RSU1: variants seen among roughly 807,000 people sequenced by gnomAD.
The protein encoded by RSU1 is Ras suppressor protein 1, also known as rsu-1.
RSU1 carries 26 observed loss-of-function variants against 31.1 expected under a neutral mutation model. The observed-to-expected ratio is 0.84, with a 90% confidence interval of 0.61 to 1.16. RSU1 has a LOEUF of 1.16. RSU1 is among the 50% of genes most tolerant of loss of function. RSU1 has a pLI of 0.00. For synonymous variants in RSU1, 164 were observed against 136.3 expected, an observed-to-expected ratio of 1.20 and a Z score of -1.41; for missense variants, 320 against 339.1, an observed-to-expected ratio of 0.94 and a Z score of 0.44.
At chr10:16,648,061 A>G (rs1588693572) in intron 8 of RSU1, among the ~76,000 whole-genome samples, 1 of 150,354 alleles carries the variant, frequency 6.7e-6, no homozygotes, top group African/African-American at 2.5e-5. Context: ...CAATCCTCCT[A>G]CCTCAGCCTC....
At chr10:16,661,850 T>C (rs889026304) in intron 8 of RSU1, among the ~76,000 whole-genome samples, 1 of 152,234 alleles carries the variant, frequency 6.6e-6, no homozygotes, top group Non-Finnish European at 1.5e-5. Flanking sequence ...CACATTTCTT[T>C]GGTTTCAAAT....
At chr10:16,733,808 C>G (rs1442794260) in intron 7 of RSU1, among the ~76,000 whole-genome samples, 3 of 152,120 alleles carry the variant, frequency 2.0e-5, no homozygotes, top group African/African-American at 7.2e-5. Context: ...TGGTCACTGT[C>G]CTAGGAACAC....
chr10:16,800,962 C>CAAAAA lies in RSU1; in HGVS notation c.109+16006_109+16010dup, dbSNP rs772645083. On this transcript the variant is annotated intron_variant, in intron 2 of 8. Transcript: ENST00000345264. The stretch of plus-strand genomic sequence containing the variant: ...CGGAAAGCAGAAAAAGAGCAGAAGA[C>CAAAAA]AAAAAAAAAAAGAACAAGGGCAAGA... 9.9e-5 allele frequency among the ~76,000 whole-genome samples: 14 copies of CAAAAA among 140,924 alleles called. No individual in the cohort carries two copies. In the South Asian group the frequency reaches 2.5e-3, roughly 25 times the overall value. The allele number at this position is 140,924 out of a possible 152,430, so 92.5% of individuals were successfully genotyped here.
intron 8 of RSU1, among the ~76,000 whole-genome samples, chr10:16,626,413 C>T (rs1308941002): frequency 6.6e-6 from 1 of 152,034 alleles, no homozygotes; most frequent in Non-Finnish European, 1.5e-5. Context: ...TGGTCTTGAA[C>T]TCTTGGCCTC....
rs565331988 is a variant in RSU1, at chr10:16,816,840, C to A, written c.109+133G>T. ...ACTGCAAACCCTCTGCGCGAAGCCCCTGACAAGTGAGGTTTACAAGCAGGG... is the reference window on the plus strand; with the variant it reads ...ACTGCAAACCCTCTGCGCGAAGCCCATGACAAGTGAGGTTTACAAGCAGGG... On this transcript the variant is annotated intron_variant, in intron 2 of 8. Transcript: ENST00000345264. 9.8e-4 allele frequency: 647 copies of A among 656,890 alleles called. 2 individuals carry two copies. Among genetic ancestry groups the A allele is most frequent in the Non-Finnish European group, 2.2e-4 (82 of 365,846 alleles). 40.7% of individuals were successfully genotyped at this position (656,890 alleles called of 1,614,324 possible).
At chr10:16,783,512 C>T (rs1430420742) in intron 2 of RSU1, among the ~76,000 whole-genome samples, 2 of 151,974 alleles carry the variant, frequency 1.3e-5, no homozygotes, top group Non-Finnish European at 2.9e-5. Flanking sequence ...CGTGCCACCA[C>T]GCCCAGCTAA....
At chr10:16,686,705 GA>G (rs890699764) in intron 8 of RSU1, among the ~76,000 whole-genome samples, 1 of 152,146 alleles carries the variant, frequency 6.6e-6, no homozygotes, top group African/African-American at 2.4e-5. Context: ...ATGGAGAAGG[GA>G]ACAGGGGAAA....
rs77932380 is a variant in RSU1 at position 16,782,253 on chromosome 10, A to G, written c.110-169T>C. ...TGTAACACGATCTATTCAATGTTAA[A>G]CCAAAGGAAGAAAAGGCATGCAACT... On this transcript the variant is annotated intron_variant, in intron 2 of 8. Coordinates refer to ENST00000345264, the MANE Select transcript of RSU1 (RefSeq NM_012425.4). Among the ~76,000 whole-genome samples the G allele has an allele frequency of 7.7e-3, 1,168 of 152,344 alleles. 17 individuals carry two copies. The highest frequency in any genetic ancestry group is 0.027 in the African/African-American group (1,111 of 41,568).
At chr10:16,793,627 G>A (rs1837971322) in intron 2 of RSU1, among the ~76,000 whole-genome samples, 1 of 152,050 alleles carries the variant, frequency 6.6e-6, no homozygotes, top group African/African-American at 2.4e-5. Context: ...GAAAAATATA[G>A]TAAGCCACCT....
chr10:16,735,487 G>A (rs1352141336), intron 7 of RSU1, among the ~76,000 whole-genome samples: 1 of 152,176 alleles, frequency 6.6e-6, no homozygotes, highest in Non-Finnish European at 1.5e-5. Flanking sequence ...CTGGCATTCT[G>A]AAGTAACTGG....
chr10:16,591,639 G>C lies in RSU1; in HGVS notation c.*1755C>G, dbSNP rs1000566623. 2.6e-5 allele frequency: 4 copies of C among 151,990 alleles called. No individual in the cohort carries two copies. The highest frequency in any genetic ancestry group is 5.9e-5 in the Non-Finnish European group (4 of 68,002). 9.4% of individuals were successfully genotyped at this position (151,990 alleles called of 1,614,324 possible). ...TTAAAAATATTACCAGTGAGTCTTC[G>C]ATGATTGCTTCATGTTTCTGGGAGG... is the stretch of plus-strand genomic sequence containing the variant. On this transcript the variant is annotated 3_prime_UTR_variant, in exon 9 of 9. Coordinates refer to ENST00000345264, the MANE Select transcript of RSU1 (RefSeq NM_012425.4).
rs558879892 is a variant in RSU1 at position 16,638,684 on chromosome 10, G to A, written c.732-45188C>T. On this transcript the variant is annotated intron_variant, in intron 8 of 8. Transcript: ENST00000345264. ...AACCCTAAGCTAAACCATGACACAC[G>A]TGTCATTAAAATACACACAGCTCAA... Among the ~76,000 whole-genome samples the A allele has an allele frequency of 4.6e-5, 7 of 152,280 alleles. No homozygotes were observed. In the East Asian group the frequency reaches 9.7e-4, roughly 21 times the overall value.
intron 7 of RSU1, among the ~76,000 whole-genome samples, chr10:16,712,703 T>C (rs949967171): frequency 6.6e-6 from 1 of 152,204 alleles, no homozygotes; most frequent in Non-Finnish European, 1.5e-5. Context: ...TTTGACCTTT[T>C]TGACTTCTAA....
At chr10:16,650,725 G>GCCCGCCACCACA (rs1325621075) in intron 8 of RSU1, among the ~76,000 whole-genome samples, 1 of 151,046 alleles carries the variant, frequency 6.6e-6, no homozygotes, top group Non-Finnish European at 1.5e-5. Context: ...GACTACAGGC[G>GCCCGCCACCACA]CCCGCCACCA....
At chr10:16,688,971 G>A (rs1280965199) in intron 8 of RSU1, among the ~76,000 whole-genome samples, 1 of 151,248 alleles carries the variant, frequency 6.6e-6, no homozygotes, top group Non-Finnish European at 1.5e-5. Flanking sequence ...TGGTGCCCCT[G>A]CACTGCAGCC....
chr10:16,794,856 G>GCAAAT (rs1269981793), intron 2 of RSU1, among the ~76,000 whole-genome samples: 11 of 152,150 alleles, frequency 7.2e-5, no homozygotes, highest in Non-Finnish European at 7.3e-5. Context: ...CAAAAGCAAA[G>GCAAAT]CAAAGAACGC....
chr10:16,640,692 C>T (rs913523469), intron 8 of RSU1, among the ~76,000 whole-genome samples: 1 of 152,260 alleles, frequency 6.6e-6, no homozygotes, highest in South Asian at 2.1e-4. Flanking sequence ...TCCAGGCTCA[C>T]ACCCGGATGG....
chr10:16,693,384 T>C (rs1287917598), intron 8 of RSU1, among the ~76,000 whole-genome samples: 1 of 152,024 alleles, frequency 6.6e-6, no homozygotes, highest in African/African-American at 2.4e-5. Context: ...CAGCCACTTC[T>C]GGGCAGAGGC....
intron 8 of RSU1, among the ~76,000 whole-genome samples, chr10:16,615,720 G>A (rs952077985): frequency 2.0e-5 from 3 of 152,178 alleles, no homozygotes; most frequent in African/African-American, 7.2e-5. Context: ...TTGGGATTAA[G>A]AAACACTCAA....
Sources: allele counts gnomAD v4.1 joint callset (sites outside exome capture counted in the v4.1 genomes callset), GRCh38; gene constraint gnomAD v4.1.1; transcripts MANE v1.5; gene names NCBI Gene and HGNC (gene_info 2026-07-23, HGNC 2026-07-21).